The following ATP5PF variants were observed in gnomAD, a reference collection of about 807,000 sequenced individuals.
The protein encoded by ATP5PF is ATP synthase peripheral stalk subunit F6, mitochondrial.
In ATP5PF, 7 loss-of-function variants were observed where a neutral mutation model predicts 12.0. The ratio of observed to expected loss-of-function variants is 0.58; its 90% CI spans 0.33 to 1.10. The LOEUF is 1.10. Ranked by LOEUF, ATP5PF falls within the 50% of genes least tolerant of loss-of-function variation. ATP5PF has a pLI of 0.03. For synonymous variants in ATP5PF, 41 were observed against 45.4 expected (o/e 0.90, Z 0.39); for missense variants, 120 against 127.7 (o/e 0.94, Z 0.29).
chr21:25,733,756 G>C (rs923997867), intron 1 of ATP5PF, among the ~76,000 whole-genome samples: 1 of 152,134 alleles, frequency 6.6e-6, no homozygotes, highest in Non-Finnish European at 1.5e-5. Context: ...AAGAGTTAAA[G>C]TGTTCTTATC....
At chr21:25,725,626 GA>G (rs2034598735) in intron 2 of ATP5PF, among the ~76,000 whole-genome samples, 1 of 152,070 alleles carries the variant, frequency 6.6e-6, no homozygotes, top group South Asian at 2.1e-4. Context: ...TTTTAGTAGA[GA>G]GGGGGTTTCA....
rs753918454 is a variant in ATP5PF, at chr21:25,729,777, G to A, written c.18C>T (p.Leu6=). Residue 6 remains leucine, a synonymous_variant, in exon 2 of 4, where the codon CTC becomes CTT. Coordinates refer to ENST00000284971, the MANE Select transcript of ATP5PF (RefSeq NM_001003703.2). MILQR[L]FRFSSVIRSA... ...ACCGAATGACAGAGGAGAACCTGAA[G>A]AGCCTCTGAAGAATCATGCTGATTC... The A allele has an allele frequency of 9.3e-6, 15 of 1,613,712 alleles. No individual in the cohort carries two copies. Among genetic ancestry groups the A allele is most frequent in the Non-Finnish European group, 1.2e-5 (14 of 1,180,000 alleles).
At position 25,724,638 on chromosome 21, in the gene ATP5PF, C is replaced by T. The variant is rs768771738; in HGVS notation, c.*2G>A. Reference sequence around the variant, plus strand: ...TTACCAGATTAATTTTACTTTATTTCTTCAGGCCTGGGGTTTTTCGATGAC... The same window carrying T: ...TTACCAGATTAATTTTACTTTATTTTTTCAGGCCTGGGGTTTTTCGATGAC... On this transcript the variant is annotated 3_prime_UTR_variant, in exon 4 of 4. Transcript: ENST00000284971. 1.2e-6 allele frequency: 2 copies of T among 1,601,996 alleles called. No individual in the cohort carries two copies. The highest frequency in any genetic ancestry group is 2.3e-5 in the East Asian group (1 of 44,158).
intron 1 of ATP5PF, among the ~76,000 whole-genome samples, chr21:25,732,985 CAAAAAAAAAAAAAAAAA>C (rs370858284): frequency 4.2e-5 from 2 of 47,804 alleles, no homozygotes; most frequent in Non-Finnish European, 7.0e-5. Flanking sequence ...AACTCTGTCT[CAAAAAAAAAAAAAAAAA>C]AAAAAAAAAA....
chr21:25,729,266 T>C (rs1568929472), intron 2 of ATP5PF, among the ~76,000 whole-genome samples: 1 of 152,246 alleles, frequency 6.6e-6, no homozygotes, highest in Non-Finnish European at 1.5e-5. Flanking sequence ...AGTTTTATGA[T>C]CTTCGGCTAA....
intron 2 of ATP5PF, among the ~76,000 whole-genome samples, chr21:25,728,494 T>C (rs2034674987): frequency 6.6e-6 from 1 of 152,192 alleles, no homozygotes; most frequent in Non-Finnish European, 1.5e-5. Context: ...TAAAAGATAC[T>C]CTCCTCTTAC....
rs2034955779 is a variant in ATP5PF, at chr21:25,734,795, A to G, written c.-8+58T>C. ...GTGAGAGGCAGCCCAGGCCTCGTGA[A>G]AAAACCCAGAACTGGAGTCCCAAAA... On this transcript the variant is annotated intron_variant, in intron 1 of 3. Coordinates refer to ENST00000284971, the MANE Select transcript of ATP5PF (RefSeq NM_001003703.2). The G allele has an allele frequency of 4.0e-6, 6 of 1,494,592 alleles. No individual in the cohort carries two copies. The Admixed American group carries it at 1.0e-4, about 25-fold the overall frequency. The allele number at this position is 1,494,592 out of a possible 1,614,324, so 92.6% of individuals were successfully genotyped here.
At chr21:25,732,889 A>AGAAGGGCGTAAACCTGGAAAGTGGAGCTT in intron 1 of ATP5PF, among the ~76,000 whole-genome samples, 2 of 141,394 alleles carry the variant, frequency 1.4e-5, no homozygotes, top group African/African-American at 5.2e-5. Context: ...AGGCTGAGGC[A>AGAAGGGCGTAAACCTGGAAAGTGGAGCTT]GGAGATTCCT....
rs750248783 is a variant in ATP5PF, at chr21:25,729,821, G to A, written c.-7-20C>T. ...CTGATTCTGTTACAGAAAACAAGCAGCAGAAACGTTAATATACTTATTATA... is the reference window on the plus strand; with the variant it reads ...CTGATTCTGTTACAGAAAACAAGCAACAGAAACGTTAATATACTTATTATA... On this transcript the variant is annotated intron_variant, in intron 1 of 3. Transcript: ENST00000284971. The A allele has an allele frequency of 6.2e-7, 1 of 1,606,796 alleles. No individual in the cohort carries two copies. The highest frequency in any genetic ancestry group is 8.5e-7 in the Non-Finnish European group (1 of 1,177,708).
At chr21:25,729,946 C>T in intron 1 of ATP5PF, 145 bp from the exon 2 acceptor site, 1 of 941,624 alleles carries the variant, frequency 1.1e-6, no homozygotes, top group South Asian at 2.4e-5. Context: ...TTCCCTTCTC[C>T]TCCTTATTCC....
intron 1 of ATP5PF, among the ~76,000 whole-genome samples, chr21:25,733,744 CAA>C (rs1306529585): frequency 6.6e-6 from 1 of 152,180 alleles, no homozygotes; most frequent in Non-Finnish European, 1.5e-5. Flanking sequence ...GCAATACTCT[CAA>C]AGAGTTAAAG....
At chr21:25,726,752 T>C (rs974959729) in intron 2 of ATP5PF, among the ~76,000 whole-genome samples, 4 of 152,264 alleles carry the variant, frequency 2.6e-5, no homozygotes, top group African/African-American at 9.6e-5. Flanking sequence ...TCTTCTGTTT[T>C]TGTCATAAAT....
intron 1 of ATP5PF, among the ~76,000 whole-genome samples, chr21:25,730,736 C>CACACAAAAAA (rs1219090743): frequency 9.4e-5 from 3 of 31,880 alleles, no homozygotes; most frequent in Non-Finnish European, 2.1e-4. Flanking sequence ...CTCCGTCTCA[C>CACACAAAAAA]AAAAAAAAAA....
intron 1 of ATP5PF, chr21:25,734,202 G>A (rs2034912529): frequency 4.6e-6 from 2 of 439,292 alleles, no homozygotes; most frequent in South Asian, 9.6e-5. Flanking sequence ...GTACCATCGG[G>A]TGCCACGAGA....
At chr21:25,725,857 G>T (rs776895250) in intron 2 of ATP5PF, among the ~76,000 whole-genome samples, 9 of 152,170 alleles carry the variant, frequency 5.9e-5, no homozygotes, top group Non-Finnish European at 1.3e-4. Context: ...CATAAATGAG[G>T]TATCCTCAAA....
intron 1 of ATP5PF, among the ~76,000 whole-genome samples, chr21:25,733,435 C>T (rs1337663995): frequency 2.0e-5 from 3 of 152,026 alleles, no homozygotes; most frequent in Non-Finnish European, 4.4e-5. Flanking sequence ...GAGGCTGAGG[C>T]AGAAGGGCGT....
rs2034565702 is a variant in ATP5PF, at chr21:25,724,526, A to C, written c.*114T>G. On this transcript the variant is annotated 3_prime_UTR_variant, in exon 4 of 4. Coordinates refer to ENST00000284971, the MANE Select transcript of ATP5PF (RefSeq NM_001003703.2). The stretch of plus-strand genomic sequence containing the variant: ...CAACATCACCAAATAATTTATTTGG[A>C]CTCAGAATTAAAAGAACATTTGACA... The C allele has an allele frequency of 3.4e-6, 4 of 1,182,998 alleles. No individual in the cohort carries two copies. The highest frequency in any genetic ancestry group is 4.8e-6 in the Non-Finnish European group (4 of 826,766). The allele number at this position is 1,182,998 out of a possible 1,614,324, so 73.3% of individuals were successfully genotyped here.
At chr21:25,734,353 C>T (rs2034922880) in intron 1 of ATP5PF, 1 of 986,466 alleles carries the variant, frequency 1.0e-6, no homozygotes, top group Non-Finnish European at 1.2e-6. Context: ...TTAGTAGGTT[C>T]GCTGCCTCTT....
chr21:25,730,736 C>CACAAAAA lies in ATP5PF; in HGVS notation c.-7-936_-7-935insTTTTTGT, dbSNP rs1219090743. ...GCAACAAGAGCAAGACTCCGTCTCACAAAAAAAAAAAAAAAAAAAAAAAAA... is the reference window on the plus strand; with the variant it reads ...GCAACAAGAGCAAGACTCCGTCTCACACAAAAAAAAAAAAAAAAAAAAAAAAAAAAAA... On this transcript the variant is annotated intron_variant, in intron 1 of 3. Transcript: ENST00000284971. 3.1e-3 allele frequency among the ~76,000 whole-genome samples: 99 copies of CACAAAAA among 31,908 alleles called. 10 individuals carry two copies. Among genetic ancestry groups the CACAAAAA allele is most frequent in the Non-Finnish European group, 4.5e-3 (65 of 14,394 alleles). 20.9% of individuals were successfully genotyped at this position (31,908 alleles called of 152,430 possible). A position where few individuals can be genotyped will look rare whatever the true frequency, so the allele number is the denominator to read the frequency against.
Sources: allele counts gnomAD v4.1 joint callset (sites outside exome capture counted in the v4.1 genomes callset), GRCh38; gene constraint gnomAD v4.1.1; transcripts MANE v1.5; gene names NCBI Gene and HGNC (gene_info 2026-07-23, HGNC 2026-07-21).